The following FNDC1 variants were observed in gnomAD, a reference collection of about 807,000 sequenced individuals.
FNDC1 encodes fibronectin type III domain containing 1.
A neutral mutation model predicts 168.0 loss-of-function variants in FNDC1; 96 were observed. The ratio of observed to expected loss-of-function variants is 0.57; its 90% CI spans 0.48 to 0.68. The LOEUF (loss-of-function observed/expected upper bound fraction) is 0.68, where lower values mean the gene tolerates loss of function less well. Ranked by LOEUF, FNDC1 falls within the 30% of genes least tolerant of loss-of-function variation. FNDC1 has a pLI of 0.00. For missense variants in FNDC1, 2,587 were observed against 2,482.1 expected (o/e 1.04, Z -0.90); for synonymous variants, 1,099 against 1,025.9 (o/e 1.07, Z -1.36).
chr6:159,234,747 G>C (rs999062161), intron 11 of FNDC1, among the ~76,000 whole-genome samples: 3 of 152,170 alleles, frequency 2.0e-5, no homozygotes, highest in Admixed American at 6.5e-5. Context: ...AATTCCAAAT[G>C]GCCTAATTTC....
chr6:159,232,945 G>T lies in FNDC1; in HGVS notation c.2433G>T (p.Arg811=), dbSNP rs749586488. 1.2e-6 allele frequency: 2 copies of T among 1,609,996 alleles called. No individual in the cohort carries two copies. The highest frequency in any genetic ancestry group is 1.1e-5 in the South Asian group (1 of 90,734). ...CCACGGCCCAGACGCTGCGGGCCCG[G>T]CCTGCCTCTGGACACTTCCATTTGC... ...AEATAQTLRA[R]PASGHFHLLR... Residue 811 remains arginine, a synonymous_variant, in exon 11 of 23, where the codon CGG becomes CGT. Transcript: ENST00000297267. The surrounding 1 kb of genome is among the most constrained non-coding windows in gnomAD (Gnocchi z 4.9).
In FNDC1 at chr6:159,225,018, G is replaced by A. The variant is rs184993473; in HGVS notation, c.885-517G>A. Among the ~76,000 whole-genome samples, 6 of 152,216 alleles carry A rather than the reference G, an allele frequency of 3.9e-5. No homozygotes were observed. In the East Asian group the frequency reaches 1.2e-3, roughly 29 times the overall value. ...TTTCACATTTTCACTCCTTTTCACT[G>A]TAGTAAGTCTACTCAAAACCACATG... On this transcript the variant is annotated intron_variant, in intron 7 of 22. Coordinates refer to ENST00000297267, the MANE Select transcript of FNDC1 (RefSeq NM_032532.3).
chr6:159,195,993 G>A (rs532184811), intron 1 of FNDC1, among the ~76,000 whole-genome samples: 1 of 152,338 alleles, frequency 6.6e-6, no homozygotes, highest in South Asian at 2.1e-4. Context: ...AGTGTGAAAT[G>A]TTGGATTCCT....
At chr6:159,210,971 A>G (rs980628738) in intron 4 of FNDC1, among the ~76,000 whole-genome samples, 1 of 152,180 alleles carries the variant, frequency 6.6e-6, no homozygotes, top group African/African-American at 2.4e-5. Flanking sequence ...AGGCCAGGTG[A>G]AAACACACCC....
chr6:159,234,495 A>C lies in FNDC1; in HGVS notation c.3967+16A>C, dbSNP rs775132386. 6.2e-7 allele frequency: 1 copy of C among 1,611,918 alleles called. No individual in the cohort carries two copies. ...TACAGACAAGGTAGTTTATTTTTTC[A>C]AACAGTCTTTCTTTAAGGTGTTCAG... On this transcript the variant is annotated intron_variant, in intron 11 of 22. Transcript: ENST00000297267.
rs1161107291 is a variant in FNDC1 at position 159,233,914 on chromosome 6, CCCCGCCAGGCCCAGCCGA to C, written c.3407_3424del (p.Ala1136_Pro1141del). 6.5e-7 allele frequency: 1 copy of C among 1,548,348 alleles called. No individual in the cohort carries two copies. Among genetic ancestry groups the C allele is most frequent in the Admixed American group, 2.0e-5 (1 of 50,874 alleles). Reference sequence around the variant, plus strand: ...GGTCCCAGCGCGGACATGCGGCCTCCCCCGCCAGGCCCAGCCGACCCGGCGGCCCCCAGTCCCGCGCCC... The same window carrying C: ...GGTCCCAGCGCGGACATGCGGCCTCCCCCGGCGGCCCCCAGTCCCGCGCCC... On this transcript the variant is annotated inframe_deletion, in exon 11 of 23. Coordinates refer to ENST00000297267, the MANE Select transcript of FNDC1 (RefSeq NM_032532.3). The surrounding 1 kb of genome is among the most constrained non-coding windows in gnomAD (Gnocchi z 4.6).
intron 19 of FNDC1, among the ~76,000 whole-genome samples, chr6:159,261,819 T>C (rs569173524): frequency 1.6e-4 from 25 of 152,308 alleles, no homozygotes; most frequent in African/African-American, 5.5e-4. Context: ...AAAATGTTCC[T>C]GGTCAGGGGT....
At chr6:159,258,306 A>G (rs1777415533) in intron 18 of FNDC1, among the ~76,000 whole-genome samples, 1 of 152,196 alleles carries the variant, frequency 6.6e-6, no homozygotes, top group Non-Finnish European at 1.5e-5. Flanking sequence ...TTAAAAAACA[A>G]CATAAATATA....
intron 13 of FNDC1, 79 bp from the exon 14 acceptor site, chr6:159,239,438 G>A: frequency 7.9e-7 from 1 of 1,258,974 alleles, no homozygotes; most frequent in Non-Finnish European, 1.1e-6. Context: ...TAAGCTTTGA[G>A]AAGACACTTA....
At chr6:159,191,440 T>C in intron 1 of FNDC1, among the ~76,000 whole-genome samples, 1 of 152,200 alleles carries the variant, frequency 6.6e-6, no homozygotes, top group East Asian at 1.9e-4. Context: ...GGTAGAAAAA[T>C]CAAAGAAGAA....
At position 159,242,640 on chromosome 6, in the gene FNDC1, C is replaced by A. The variant is rs1323196599; in HGVS notation, c.4621+2683C>A. On this transcript the variant is annotated intron_variant, in intron 14 of 22. Transcript: ENST00000297267. ...TGCAATGATCACCACTATTAGATTCCATAATATTTTCATCACCCCAGGAGA... is the reference window on the plus strand; with the variant it reads ...TGCAATGATCACCACTATTAGATTCAATAATATTTTCATCACCCCAGGAGA... 2.0e-5 allele frequency among the ~76,000 whole-genome samples: 3 copies of A among 152,118 alleles called. No individual in the cohort carries two copies. In the East Asian group the frequency reaches 5.8e-4, roughly 29 times the overall value.
chr6:159,259,007 A>G (rs913887903), intron 18 of FNDC1, among the ~76,000 whole-genome samples: 4 of 152,218 alleles, frequency 2.6e-5, no homozygotes, highest in Admixed American at 6.5e-5. Context: ...TGTCTACCTT[A>G]GTCACCAGAC....
chr6:159,248,047 T>C (rs1177058956), intron 15 of FNDC1, among the ~76,000 whole-genome samples: 1 of 152,266 alleles, frequency 6.6e-6, no homozygotes. Flanking sequence ...TGATGTGTTA[T>C]TTATTCATAA....
intron 4 of FNDC1, among the ~76,000 whole-genome samples, chr6:159,204,598 C>T (rs986478026): frequency 2.0e-5 from 3 of 152,190 alleles, no homozygotes; most frequent in Non-Finnish European, 4.4e-5. Flanking sequence ...TGCAGGTCTG[C>T]CCCCGTCATT....
At chr6:159,253,055 G>T (rs979130416) in intron 17 of FNDC1, among the ~76,000 whole-genome samples, 1 of 152,164 alleles carries the variant, frequency 6.6e-6, no homozygotes, top group African/African-American at 2.4e-5. Context: ...CCCATGCCTA[G>T]GCATTCCAAG....
intron 1 of FNDC1, among the ~76,000 whole-genome samples, chr6:159,188,535 C>T (rs1206310666): frequency 8.7e-5 from 13 of 149,542 alleles, no homozygotes; most frequent in South Asian, 2.1e-4. Context: ...CCACCAGGCC[C>T]GGCTAATTTT....
chr6:159,244,091 C>G (rs577074754), intron 14 of FNDC1, among the ~76,000 whole-genome samples: 1 of 151,838 alleles, frequency 6.6e-6, no homozygotes, highest in Non-Finnish European at 1.5e-5. Context: ...TTTTATCTGG[C>G]GAAAAGCAAT....
At chr6:159,202,221 AAAC>A (rs1178746885) in intron 4 of FNDC1, among the ~76,000 whole-genome samples, 1 of 152,214 alleles carries the variant, frequency 6.6e-6, no homozygotes, top group Non-Finnish European at 1.5e-5. Flanking sequence ...GCAGAACTTA[AAAC>A]AACAACAACG....
At chr6:159,247,470 C>A (rs113380349) in intron 15 of FNDC1, among the ~76,000 whole-genome samples, 2 of 152,058 alleles carry the variant, frequency 1.3e-5, no homozygotes, top group Non-Finnish European at 2.9e-5. Flanking sequence ...GATCAGAGGC[C>A]GGCCGCAGTG....
Sources: allele counts gnomAD v4.1 joint callset (sites outside exome capture counted in the v4.1 genomes callset), GRCh38; gene constraint gnomAD v4.1.1; non-coding constraint Gnocchi (gnomAD v3.1); transcripts MANE v1.5; gene names NCBI Gene and HGNC (gene_info 2026-07-23, HGNC 2026-07-21).